The following FAM110B variants were observed in gnomAD, a reference collection of about 807,000 sequenced individuals.
The protein encoded by FAM110B is family with sequence similarity 110 member B, also known as protein FAM110B.
Under a neutral mutation model 20.4 loss-of-function variants are expected in FAM110B, and 6 were observed. The observed-to-expected ratio is 0.29, with a 90% CI of 0.16 to 0.58. The LOEUF is 0.58. FAM110B is among the 20% of genes least tolerant of loss of function. The pLI, the probability that FAM110B is intolerant of heterozygous loss-of-function variation, is 0.90. For synonymous variants in FAM110B, 226 were observed against 214.1 expected, an observed-to-expected ratio of 1.06 and a Z score of -0.49; for missense variants, 434 against 498.2, an observed-to-expected ratio of 0.87 and a Z score of 1.23.
chr8:58,000,718 T>C (rs1311950635), intron 1 of FAM110B, among the ~76,000 whole-genome samples: 2 of 152,176 alleles, frequency 1.3e-5, no homozygotes, highest in African/African-American at 2.4e-5. Context: ...TTCAGCAATT[T>C]TGGGAAATAC....
At chr8:58,020,533 G>C (rs1409848406) in intron 1 of FAM110B, among the ~76,000 whole-genome samples, 1 of 152,154 alleles carries the variant, frequency 6.6e-6, no homozygotes, top group South Asian at 2.1e-4. Context: ...TTTTAATTAG[G>C]TTGAGTTCAC....
In FAM110B at chr8:58,147,577, G is replaced by C; in HGVS notation, c.*234G>C. 2 of 551,708 alleles carry C rather than the reference G, an allele frequency of 3.6e-6. No individual in the cohort carries two copies. The highest frequency in any genetic ancestry group is 6.5e-6 in the Non-Finnish European group (2 of 305,438). 34.2% of individuals were successfully genotyped at this position (551,708 alleles called of 1,614,324 possible). ...AAAGTTTCAGGCCAGAATCTAATTA[G>C]GGCTTTGCTCGTAAGCAAAACTGTT... On this transcript the variant is annotated 3_prime_UTR_variant, in exon 4 of 4. Transcript: ENST00000519262.
chr8:58,060,389 T>G (rs1805630618), intron 2 of FAM110B, among the ~76,000 whole-genome samples: 1 of 152,302 alleles, frequency 6.6e-6, no homozygotes, highest in African/African-American at 2.4e-5. Context: ...GGAATAATGC[T>G]GAAAAGAAAT....
intron 2 of FAM110B, among the ~76,000 whole-genome samples, chr8:58,073,449 A>G (rs183232092): frequency 1.6e-4 from 25 of 152,296 alleles, no homozygotes; most frequent in Admixed American, 1.6e-3. Context: ...TGAAGCTGGC[A>G]TAGCTTCATA....
At chr8:58,037,079 A>G (rs68143639) in intron 2 of FAM110B, among the ~76,000 whole-genome samples, 9,287 of 152,184 alleles carry the variant, frequency 0.061, 359 homozygotes, top group East Asian at 0.17. Flanking sequence ...GAAAACATCA[A>G]AGTATTGATA....
At chr8:58,097,032 T>C (rs1806650607) in intron 3 of FAM110B, among the ~76,000 whole-genome samples, 1 of 152,230 alleles carries the variant, frequency 6.6e-6, no homozygotes, top group Admixed American at 6.5e-5. Flanking sequence ...GAGGTCGCTC[T>C]TCTCGAGGAG....
At chr8:58,018,928 T>C (rs2150568567) in intron 1 of FAM110B, among the ~76,000 whole-genome samples, 1 of 152,334 alleles carries the variant, frequency 6.6e-6, no homozygotes, top group Non-Finnish European at 1.5e-5. Flanking sequence ...CAACTGTATA[T>C]TTTCCTTTAC....
chr8:58,042,224 A>C (rs1204597784), intron 2 of FAM110B, among the ~76,000 whole-genome samples: 1 of 152,242 alleles, frequency 6.6e-6, no homozygotes, highest in Non-Finnish European at 1.5e-5. Context: ...ATGATGAAGA[A>C]ATTCTAAAAT....
intron 3 of FAM110B, among the ~76,000 whole-genome samples, chr8:58,125,006 A>G (rs533107172): frequency 7.2e-5 from 11 of 152,196 alleles, no homozygotes; most frequent in Non-Finnish European, 1.3e-4. Context: ...GTAAGAAATC[A>G]TTGAAATCTA....
chr8:58,139,005 G>C (rs1201653383), intron 3 of FAM110B, among the ~76,000 whole-genome samples: 1 of 152,130 alleles, frequency 6.6e-6, no homozygotes, highest in Non-Finnish European at 1.5e-5. Context: ...GACTTTAAAA[G>C]GTTGCTGAAA....
At chr8:58,126,049 C>A (rs1351700823) in intron 3 of FAM110B, among the ~76,000 whole-genome samples, 1 of 152,218 alleles carries the variant, frequency 6.6e-6, no homozygotes, top group Non-Finnish European at 1.5e-5. Flanking sequence ...CCACAGAGAT[C>A]CTGTGCTTTA....
intron 3 of FAM110B, among the ~76,000 whole-genome samples, chr8:58,123,781 A>C (rs1356767817): frequency 2.6e-5 from 4 of 152,228 alleles, no homozygotes; most frequent in African/African-American, 9.6e-5. Context: ...TCTGTCAGCT[A>C]TGCCAGACTT....
chr8:58,072,846 T>C (rs1805937271), intron 2 of FAM110B, among the ~76,000 whole-genome samples: 2 of 152,234 alleles, frequency 1.3e-5, no homozygotes, highest in South Asian at 4.1e-4. Flanking sequence ...AAATATGATG[T>C]GCCGCAAAGT....
intron 2 of FAM110B, among the ~76,000 whole-genome samples, chr8:58,072,375 T>G (rs879883292): frequency 1.7e-4 from 26 of 152,202 alleles, no homozygotes; most frequent in Non-Finnish European, 2.9e-4. Flanking sequence ...TTTTAAAAAT[T>G]TAAATATGAA....
intron 1 of FAM110B, among the ~76,000 whole-genome samples, chr8:58,013,814 A>G (rs1183969090): frequency 1.3e-5 from 2 of 152,206 alleles, no homozygotes; most frequent in South Asian, 2.1e-4. Context: ...TGGTAGACTC[A>G]GGTACTCTCA....
In FAM110B at chr8:58,146,628, C is replaced by T. The variant is rs146051624; in HGVS notation, c.398C>T (p.Ser133Leu). The T allele has an allele frequency of 6.4e-5, 104 of 1,613,714 alleles. No homozygotes were observed. The African/African-American group carries it at 1.1e-3, about 17-fold the overall frequency. Residue 133 changes from serine (S) to leucine (L), a missense_variant, in exon 4 of 4, where the codon TCG (serine) becomes TTG (leucine). This residue lies in a region of FAM110B where 284 missense variants were observed against 278.3 expected (regional missense o/e 1.02). Coordinates refer to ENST00000519262, the MANE Select transcript of FAM110B (RefSeq NM_001377989.1). ...ATCAATAGCTCCGAGGGCTCTAGCT[C>T]GGGCTCGGGGCACAAGCACAGCTCC... ...NIINSSEGSS[S>L]GSGHKHSSRN...
At chr8:58,030,799 A>G (rs1463413400) in intron 1 of FAM110B, among the ~76,000 whole-genome samples, 1 of 152,140 alleles carries the variant, frequency 6.6e-6, no homozygotes, top group Non-Finnish European at 1.5e-5. Flanking sequence ...GACGGTTAAG[A>G]TTTTCAACAC....
At chr8:58,097,823 C>A (rs927099802) in intron 3 of FAM110B, among the ~76,000 whole-genome samples, 1 of 152,208 alleles carries the variant, frequency 6.6e-6, no homozygotes, top group Non-Finnish European at 1.5e-5. Flanking sequence ...AACAGTCAGG[C>A]CCCTCTGCTA....
At chr8:58,016,421 G>A (rs1022075772) in intron 1 of FAM110B, among the ~76,000 whole-genome samples, 4 of 152,204 alleles carry the variant, frequency 2.6e-5, no homozygotes, top group Non-Finnish European at 5.9e-5. Flanking sequence ...TATTGAGGCT[G>A]CACAGAGCCT....
Sources: gnomAD v4.1 joint callset for allele counts (sites outside exome capture counted in the v4.1 genomes callset) on GRCh38, gnomAD v4.1.1 for gene constraint, gnomAD v4.1.1 regional missense constraint, MANE v1.5 for transcripts, NCBI Gene and HGNC (gene_info 2026-07-23, HGNC 2026-07-21) for gene names.